The following IHH variants were observed in gnomAD, a reference collection of about 807,000 sequenced individuals.
The protein encoded by IHH is Indian hedgehog signaling molecule.
In IHH, 9 loss-of-function variants were observed where a neutral mutation model predicts 29.4. That is an observed-to-expected ratio of 0.31 (90% CI 0.18 to 0.53). The LOEUF (loss-of-function observed/expected upper bound fraction) is 0.53, where lower values mean the gene tolerates loss of function less well. Ranked by LOEUF, IHH falls within the 20% of genes least tolerant of loss-of-function variation. The pLI is 0.95. For synonymous variants in IHH, 254 were observed against 252.7 expected, an observed-to-expected ratio of 1.01 and a Z score of -0.05; for missense variants, 454 against 578.1, an observed-to-expected ratio of 0.79 and a Z score of 2.20.
In IHH at chr2:219,060,305, T is replaced by C. The variant is rs1244198503; in HGVS notation, c.163A>G (p.Asn55Asp). ...GCGCCCAGGGTCTTCTCGGGCACAT[T>C]GGGGCTGAACTGCTTGTAGGCGAGC... is the stretch of plus-strand genomic sequence containing the variant. ...VPLAYKQFSP[N>D]VPEKTLGASG... Residue 55 changes from asparagine (N) to aspartate (D), a missense_variant, in exon 1 of 3, where the codon AAT becomes GAT. Asn to Asp is a conservative substitution (Grantham distance 23). Coordinates refer to ENST00000295731, the MANE Select transcript of IHH (RefSeq NM_002181.4). This position sits in a 1 kb window ranked among gnomAD's most constrained non-coding sequence, Gnocchi z 8.8. 6.2e-7 allele frequency: 1 copy of C among 1,612,394 alleles called. No homozygotes were observed. The highest frequency in any genetic ancestry group is 8.5e-7 in the Non-Finnish European group (1 of 1,179,612).
chr2:219,057,348 C>CA, intron 2 of IHH, 85 bp downstream of exon 2: 1 of 1,401,742 alleles, frequency 7.1e-7, no homozygotes, highest in Non-Finnish European at 9.7e-7. Flanking sequence ...CATCCCCGGG[C>CA]GGGCTCTTCA....
rs1334511286 is a variant in IHH at position 219,055,033 on chromosome 2, G to A, written c.*174C>T. The A allele has an allele frequency of 1.0e-5, 7 of 692,024 alleles. No individual in the cohort carries two copies. Among genetic ancestry groups the A allele is most frequent in the Non-Finnish European group, 1.5e-5 (6 of 407,740 alleles). 42.9% of individuals were successfully genotyped at this position (692,024 alleles called of 1,614,324 possible). A position where few individuals can be genotyped will look rare whatever the true frequency, so the allele number is the denominator to read the frequency against. On this transcript the variant is annotated 3_prime_UTR_variant, in exon 3 of 3. Transcript: ENST00000295731. ...CAGCTCTATGACTACACCACGACGG[G>A]GGTGGGGGACGCTGGTGTTGCCCAG...
rs978403930 is a variant in IHH, at chr2:219,060,735, C to T, written c.-268G>A. Among the ~76,000 whole-genome samples, 2 of 149,794 alleles carry T rather than the reference C, an allele frequency of 1.3e-5. No homozygotes were observed. The highest frequency in any genetic ancestry group is 4.9e-5 in the African/African-American group (2 of 41,140). ...CGCCGGCCGCCAATAAATAGGCCGG[C>T]CCGTTTGTTTTGGCAACGCGGCGGC... On this transcript the variant is annotated 5_prime_UTR_variant, in exon 1 of 3. Transcript: ENST00000295731. This position sits in a 1 kb window ranked among gnomAD's most constrained non-coding sequence, Gnocchi z 8.8.
Position 219,055,428 on chromosome 2 carries a change from C to T in IHH, c.1015G>A (p.Val339Met), listed in dbSNP as rs1422855719. 2 of 1,613,184 alleles carry T rather than the reference C, an allele frequency of 1.2e-6. No individual in the cohort carries two copies. Among genetic ancestry groups the T allele is most frequent in the Admixed American group, 1.7e-5 (1 of 60,032 alleles). The change falls in exon 3 of 3, where the codon GTG (valine) becomes ATG (methionine). Residue 339 changes from valine (V) to methionine (M), a missense_variant. Transcript: ENST00000295731. ...YAPLTKHGTL[V>M]VEDVVASCFA... ...CAGGATGCCACCACATCCTCCACCACCAGTGTCCCATGCTTTGTGAGCGGG... is the reference window on the plus strand; with the variant it reads ...CAGGATGCCACCACATCCTCCACCATCAGTGTCCCATGCTTTGTGAGCGGG...
chr2:219,055,482 A>G lies in IHH; in HGVS notation c.961T>C (p.Ser321Pro). 6.2e-7 allele frequency: 1 copy of G among 1,610,178 alleles called. No homozygotes were observed. The highest frequency in any genetic ancestry group is 8.5e-7 in the Non-Finnish European group (1 of 1,177,676). Residue 321 changes from serine (S) to proline (P), a missense_variant, in exon 3 of 3, where the codon TCT becomes CCT. Transcript: ENST00000295731. ...GLQPARVAAV[S>P]THVALGAYAP... is the part of the protein sequence containing the mutation. ...TAGGCCCCGAGGGCCACGTGTGTAG[A>G]GACAGCTGCCACGCGGGCAGGCTGC...
At position 219,059,933 on chromosome 2, in the gene IHH, G is replaced by A. The variant is rs1477123491; in HGVS notation, c.315+220C>T. ...CTGCTGGGCTGTGGGGCTTGGCAGC[G>A]GGGAGCTCTTCTAGCAGTCTCCTCC... On this transcript the variant is annotated intron_variant, in intron 1 of 2. Coordinates refer to ENST00000295731, the MANE Select transcript of IHH (RefSeq NM_002181.4). The surrounding 1 kb of genome is among the most constrained non-coding windows in gnomAD (Gnocchi z 4.7). 6.6e-6 allele frequency among the ~76,000 whole-genome samples: 1 copy of A among 152,160 alleles called. No homozygotes were observed. The highest frequency in any genetic ancestry group is 2.4e-5 in the African/African-American group (1 of 41,444).
Position 219,060,005 on chromosome 2 carries a change from T to G in IHH, c.315+148A>C. 2 of 708,528 alleles carry G rather than the reference T, an allele frequency of 2.8e-6. No homozygotes were observed. The highest frequency in any genetic ancestry group is 4.7e-6 in the Non-Finnish European group (2 of 428,704). 43.9% of individuals were successfully genotyped at this position (708,528 alleles called of 1,614,324 possible). On this transcript the variant is annotated intron_variant, in intron 1 of 2. Transcript: ENST00000295731. This position sits in a 1 kb window ranked among gnomAD's most constrained non-coding sequence, Gnocchi z 8.8. ...CCTGCCTGGACCCCTGGCCAGCCCA[T>G]CTTGGGCAGGAGGCAGCGGGGCTTG... is the stretch of plus-strand genomic sequence containing the variant.
At position 219,060,237 on chromosome 2, in the gene IHH, G is replaced by A; in HGVS notation, c.231C>T (p.Arg77=). The A allele has an allele frequency of 6.2e-7, 1 of 1,613,684 alleles. No homozygotes were observed. The highest frequency in any genetic ancestry group is 1.1e-5 in the South Asian group (1 of 91,082). ...YEGKIARSSE[R]FKELTPNYNP... is the part of the protein sequence containing the mutation. ...TGTAATTGGGGGTGAGCTCCTTGAA[G>A]CGCTCGGAGCTGCGAGCGATCTTGC... The change falls in exon 1 of 3, where the codon CGC becomes CGT. Residue 77 remains arginine (R), a synonymous_variant. Transcript: ENST00000295731. This position sits in a 1 kb window ranked among gnomAD's most constrained non-coding sequence, Gnocchi z 8.8.
At position 219,059,592 on chromosome 2, in the gene IHH, C is replaced by T. The variant is rs967649674; in HGVS notation, c.315+561G>A. On this transcript the variant is annotated intron_variant, in intron 1 of 2. Transcript: ENST00000295731. This position sits in a 1 kb window ranked among gnomAD's most constrained non-coding sequence, Gnocchi z 4.7. ...CTCGCTGGGCAGGTTCCTTTTCCCA[C>T]CTCCGCCTCCCGATTCAACTCTTCC... 2.0e-5 allele frequency among the ~76,000 whole-genome samples: 3 copies of T among 152,148 alleles called. No individual in the cohort carries two copies. The highest frequency in any genetic ancestry group is 7.2e-5 in the African/African-American group (3 of 41,434).
chr2:219,056,287 C>G (rs1279609012), intron 2 of IHH, among the ~76,000 whole-genome samples: 1 of 152,192 alleles, frequency 6.6e-6, no homozygotes, highest in Non-Finnish European at 1.5e-5. Context: ...AGAGCTGGAC[C>G]TTTGAATGTA....
rs1948861929 is a variant in IHH, at chr2:219,059,408, C to G, written c.315+745G>C. On this transcript the variant is annotated intron_variant, in intron 1 of 2. Coordinates refer to ENST00000295731, the MANE Select transcript of IHH (RefSeq NM_002181.4). The surrounding 1 kb of genome is among the most constrained non-coding windows in gnomAD (Gnocchi z 4.7). ...TGCAGAGACTAGCGTCAGCCCTGGTCCCTGCCTCCCTCGGCATCTCAGCCC... is the reference window on the plus strand; with the variant it reads ...TGCAGAGACTAGCGTCAGCCCTGGTGCCTGCCTCCCTCGGCATCTCAGCCC... Among the ~76,000 whole-genome samples, 1 of 152,166 alleles carries G rather than the reference C, an allele frequency of 6.6e-6. No homozygotes were observed. The highest frequency in any genetic ancestry group is 2.4e-5 in the African/African-American group (1 of 41,432).
rs1948815045 is a variant in IHH at position 219,054,798 on chromosome 2, T to C, written c.*409A>G. On this transcript the variant is annotated 3_prime_UTR_variant, in exon 3 of 3. Transcript: ENST00000295731. Reference sequence around the variant, plus strand: ...CTGGACAGCATCGGGTCCAGCCAGATCCATGCTGGCTCCCAGGGAATTTAG... The same window carrying C: ...CTGGACAGCATCGGGTCCAGCCAGACCCATGCTGGCTCCCAGGGAATTTAG... 1 of 232,886 alleles carries C rather than the reference T, an allele frequency of 4.3e-6. No homozygotes were observed. Among genetic ancestry groups the C allele is most frequent in the South Asian group, 6.3e-5 (1 of 15,882 alleles). 14.4% of individuals were successfully genotyped at this position (232,886 alleles called of 1,614,324 possible).
At position 219,057,452 on chromosome 2, in the gene IHH, C is replaced by T. The variant is rs555364371; in HGVS notation, c.558G>A (p.Val186=). The change falls in exon 2 of 3, where the codon GTG becomes GTA. Residue 186 remains valine, a synonymous_variant. Transcript: ENST00000295731. Reference sequence around the variant, plus strand: ...GCTCACCGGACTTGACGGAGCAATGCACGTGGGCCTTTGACTCGTAATACA... The same window carrying T: ...GCTCACCGGACTTGACGGAGCAATGTACGTGGGCCTTTGACTCGTAATACA... ...DWVYYESKAH[V]HCSVKSEHSA... is the part of the protein sequence containing the mutation. The T allele has an allele frequency of 1.3e-6, 2 of 1,585,940 alleles. No homozygotes were observed. Among genetic ancestry groups the T allele is most frequent in the Non-Finnish European group, 1.7e-6 (2 of 1,166,616 alleles).
In IHH at chr2:219,054,929, T is replaced by C; in HGVS notation, c.*278A>G. 2.0e-6 allele frequency: 1 copy of C among 498,658 alleles called. No individual in the cohort carries two copies. Among genetic ancestry groups the C allele is most frequent in the Admixed American group, 3.6e-5 (1 of 28,054 alleles). 30.9% of individuals were successfully genotyped at this position (498,658 alleles called of 1,614,324 possible). A position where few individuals can be genotyped will look rare whatever the true frequency, so the allele number is the denominator to read the frequency against. On this transcript the variant is annotated 3_prime_UTR_variant, in exon 3 of 3. Coordinates refer to ENST00000295731, the MANE Select transcript of IHH (RefSeq NM_002181.4). ...ATGAAAACTCGTAGTGAGAGCAGGCTGAGTTGGGAGTCGCCGTGCCAGCCT... is the reference window on the plus strand; with the variant it reads ...ATGAAAACTCGTAGTGAGAGCAGGCCGAGTTGGGAGTCGCCGTGCCAGCCT...
At position 219,055,798 on chromosome 2, in the gene IHH, C is replaced by T. The variant is rs1327415449; in HGVS notation, c.645G>A (p.Gly215=). The T allele has an allele frequency of 1.2e-6, 2 of 1,613,030 alleles. No individual in the cohort carries two copies. Among genetic ancestry groups the T allele is most frequent in the Non-Finnish European group, 1.7e-6 (2 of 1,179,998 alleles). Residue 215 remains glycine (G), a synonymous_variant, in exon 3 of 3, where the codon GGG becomes GGA. Coordinates refer to ENST00000295731, the MANE Select transcript of IHH (RefSeq NM_002181.4). ...TCACGGCTGACAAGGCCACACGCGC[C>T]CCACTCTCCAGGCGTACCTGGGCTC... is the stretch of plus-strand genomic sequence containing the variant. ...PAGAQVRLES[G]ARVALSAVRP... is the part of the protein sequence containing the mutation.
Position 219,055,762 on chromosome 2 carries a change from G to A in IHH, c.681C>T (p.Asp227=). 2 of 1,613,716 alleles carry A rather than the reference G, an allele frequency of 1.2e-6. No individual in the cohort carries two copies. Among genetic ancestry groups the A allele is most frequent in the Non-Finnish European group, 1.7e-6 (2 of 1,179,982 alleles). The change falls in exon 3 of 3, where the codon GAC becomes GAT. Residue 227 remains aspartate (D), a synonymous_variant. Transcript: ENST00000295731. ...RVALSAVRPG[D]RVLAMGEDGS... is the part of the protein sequence containing the mutation. ...CATCCTCCCCCATGGCCAGCACACG[G>A]TCTCCCGGCCTCACGGCTGACAAGG...
In IHH at chr2:219,055,073, T is replaced by C; in HGVS notation, c.*134A>G. On this transcript the variant is annotated 3_prime_UTR_variant, in exon 3 of 3. Coordinates refer to ENST00000295731, the MANE Select transcript of IHH (RefSeq NM_002181.4). ...GTGTTGCCCAGTCAAGTCTCAATGG[T>C]GTATCTTCATGGCAGAGGAGATGGC... The C allele has an allele frequency of 1.1e-6, 1 of 921,086 alleles. No homozygotes were observed. The highest frequency in any genetic ancestry group is 1.7e-6 in the Non-Finnish European group (1 of 602,490). 57.1% of individuals were successfully genotyped at this position (921,086 alleles called of 1,614,324 possible).
rs781629708 is a variant in IHH, at chr2:219,055,495, G to A, written c.948C>T (p.Arg316=). The A allele has an allele frequency of 2.3e-5, 37 of 1,609,408 alleles. No homozygotes were observed. The highest frequency in any genetic ancestry group is 2.0e-4 in the East Asian group (9 of 44,810). ...CCACGTGTGTAGAGACAGCTGCCACGCGGGCAGGCTGCAGGCCTGGCACCC... is the reference window on the plus strand; with the variant it reads ...CCACGTGTGTAGAGACAGCTGCCACACGGGCAGGCTGCAGGCCTGGCACCC... ...VAGVPGLQPA[R]VAAVSTHVAL... Residue 316 remains arginine (R), a synonymous_variant, in exon 3 of 3, where the codon CGC becomes CGT. Transcript: ENST00000295731.
Position 219,057,468 on chromosome 2 carries a change from TCGTAATA to T in IHH, c.535_541del (p.Tyr179SerfsTer43). 6.2e-7 allele frequency: 1 copy of T among 1,603,080 alleles called. No homozygotes were observed. Among genetic ancestry groups the T allele is most frequent in the Non-Finnish European group, 8.5e-7 (1 of 1,175,092 alleles). On this transcript the variant is annotated frameshift_variant, in exon 2 of 3. Coordinates refer to ENST00000295731, the MANE Select transcript of IHH (RefSeq NM_002181.4). LOFTEE classifies it high-confidence loss of function. ...GGAGCAATGCACGTGGGCCTTTGAC[TCGTAATA>T]CACCCAGTCAAAGCCGGCCTCCACT... is the stretch of plus-strand genomic sequence containing the variant.
Sources: allele counts gnomAD v4.1 joint callset (sites outside exome capture counted in the v4.1 genomes callset), GRCh38; gene constraint gnomAD v4.1.1; non-coding constraint Gnocchi (gnomAD v3.1); transcripts MANE v1.5; gene names NCBI Gene and HGNC (gene_info 2026-07-23, HGNC 2026-07-21).